Variants in HMCN1 observed in about 807,000 individuals in gnomAD.
HMCN1 encodes hemicentin-1.
In HMCN1, 321 loss-of-function variants were observed where a neutral mutation model predicts 625.9. The ratio of observed to expected loss-of-function variants is 0.51; its 90% CI spans 0.47 to 0.56. The LOEUF (loss-of-function observed/expected upper bound fraction) is 0.56, where lower values mean the gene tolerates loss of function less well. HMCN1 is among the 20% of genes least tolerant of loss of function. The pLI is 0.00. For synonymous variants in HMCN1, 2,425 were observed against 2,417.6 expected, an observed-to-expected ratio of 1.00 and a Z score of -0.09; for missense variants, 6,588 against 6,887.3, an observed-to-expected ratio of 0.96 and a Z score of 1.54.
intron 4 of HMCN1, among the ~76,000 whole-genome samples, chr1:185,874,801 A>T (rs1329484227): frequency 6.6e-6 from 1 of 152,016 alleles, no homozygotes; most frequent in Non-Finnish European, 1.5e-5. Context: ...GGGTTATTTC[A>T]TTAAATTCTT....
chr1:185,756,436 C>T (rs1655136981), intron 1 of HMCN1, among the ~76,000 whole-genome samples: 1 of 148,470 alleles, frequency 6.7e-6, no homozygotes. Flanking sequence ...GTTATGGGAT[C>T]TTGGGCAACT....
chr1:185,946,204 A>C (rs1668334721), intron 11 of HMCN1, among the ~76,000 whole-genome samples: 1 of 152,164 alleles, frequency 6.6e-6, no homozygotes, highest in Non-Finnish European at 1.5e-5. Flanking sequence ...GTAGCAGATA[A>C]ATTTATCTAT....
chr1:185,951,807 G>A (rs917605716), intron 11 of HMCN1, among the ~76,000 whole-genome samples: 7 of 151,814 alleles, frequency 4.6e-5, no homozygotes, highest in East Asian at 1.9e-4. Context: ...TGGCTGCTGC[G>A]GTTCAGGCAT....
At chr1:186,150,838 G>C (rs1053836378) in intron 93 of HMCN1, among the ~76,000 whole-genome samples, 2 of 151,714 alleles carry the variant, frequency 1.3e-5, no homozygotes, top group African/African-American at 4.8e-5. Context: ...ACACATACTA[G>C]ATGTTTACCA....
rs554554647 is a variant in HMCN1, at chr1:186,166,882, C to T, written c.15514C>T (p.Arg5172Cys). ...QDCDNTIGSY[R>C]CVVRCGSGFR... is the part of the protein sequence containing the mutation. ...CTGTGACAATACGATTGGATCTTAT[C>T]GCTGTGTGGTCCGTTGTGGAAGTGG... The change falls in exon 100 of 107, where the codon CGC becomes TGC. Residue 5172 changes from arginine to cysteine, a missense_variant. This residue lies in a region of HMCN1 where 1,954 missense variants were observed against 2,013.1 expected (regional missense o/e 0.97). Transcript: ENST00000271588. The T allele has an allele frequency of 6.1e-5, 98 of 1,614,142 alleles. No homozygotes were observed. The Admixed American group carries it at 6.3e-4, about 10-fold the overall frequency.
intron 1 of HMCN1, among the ~76,000 whole-genome samples, chr1:185,769,467 TTATAA>T (rs979348211): frequency 1.1e-4 from 17 of 151,928 alleles, no homozygotes; most frequent in African/African-American, 4.1e-4. Flanking sequence ...AGAAAAGATG[TTATAA>T]TATATGTTTG....
chr1:185,884,144 C>A (rs1478282959), intron 4 of HMCN1, among the ~76,000 whole-genome samples: 1 of 151,548 alleles, frequency 6.6e-6, no homozygotes, highest in Admixed American at 6.6e-5. Context: ...CTTTTGTGGC[C>A]TCCTCTAATT....
intron 30 of HMCN1, among the ~76,000 whole-genome samples, chr1:186,010,231 G>C (rs1653910591): frequency 6.6e-6 from 1 of 151,946 alleles, no homozygotes; most frequent in African/African-American, 2.4e-5. Context: ...GGGTACATGG[G>C]TGTATCTATA....
At chr1:185,860,621 C>G (rs755587860) in intron 2 of HMCN1, among the ~76,000 whole-genome samples, 7 of 152,088 alleles carry the variant, frequency 4.6e-5, no homozygotes, top group Non-Finnish European at 1.0e-4. Flanking sequence ...AAAATGTTCT[C>G]TTTTTACTTG....
chr1:186,189,770 A>G lies in HMCN1; in HGVS notation c.16800A>G (p.Ala5600=). 1 of 1,613,794 alleles carries G rather than the reference A, an allele frequency of 6.2e-7. No homozygotes were observed. The highest frequency in any genetic ancestry group is 8.5e-7 in the Non-Finnish European group (1 of 1,179,866). The change falls in exon 107 of 107, where the codon GCA becomes GCG. Residue 5600 remains alanine, a synonymous_variant. Transcript: ENST00000271588. ...VVYTTRPLRE[A]ETYRMRVRAS... The stretch of plus-strand genomic sequence containing the variant: ...ATACAACACGACCACTACGAGAAGC[A>G]GAGACCTACCGCATGAGGGTCCGAG...
At chr1:185,819,421 A>T (rs921185278) in intron 1 of HMCN1, among the ~76,000 whole-genome samples, 1 of 152,158 alleles carries the variant, frequency 6.6e-6, no homozygotes, top group Non-Finnish European at 1.5e-5. Flanking sequence ...CTTTTGAGAA[A>T]CATACTTTTT....
chr1:186,098,876 A>G (rs2067229143), intron 68 of HMCN1, among the ~76,000 whole-genome samples: 1 of 152,178 alleles, frequency 6.6e-6, no homozygotes, highest in Non-Finnish European at 1.5e-5. Context: ...ATTTATGACA[A>G]CATGGATGAA....
At chr1:186,103,219 T>C (rs1280251508) in intron 68 of HMCN1, among the ~76,000 whole-genome samples, 1 of 152,198 alleles carries the variant, frequency 6.6e-6, no homozygotes, top group African/African-American at 2.4e-5. Context: ...ATTAACTGAG[T>C]TTGAACTGTT....
At chr1:185,863,020 T>C (rs1662967761) in intron 2 of HMCN1, among the ~76,000 whole-genome samples, 1 of 152,216 alleles carries the variant, frequency 6.6e-6, no homozygotes, top group South Asian at 2.1e-4. Flanking sequence ...AATACTTGGT[T>C]CTTATGACCC....
intron 80 of HMCN1, among the ~76,000 whole-genome samples, chr1:186,120,762 A>T (rs1020215092): frequency 2.6e-5 from 4 of 152,210 alleles, no homozygotes; most frequent in Non-Finnish European, 5.9e-5. Flanking sequence ...GCATATTATA[A>T]ATCTAATTGG....
At chr1:186,133,013 T>C (rs935839504) in intron 86 of HMCN1, among the ~76,000 whole-genome samples, 1 of 152,200 alleles carries the variant, frequency 6.6e-6, no homozygotes, top group African/African-American at 2.4e-5. Flanking sequence ...GGTGTATATG[T>C]GCCACGTTTT....
chr1:185,827,697 A>T (rs1477070643), intron 1 of HMCN1, among the ~76,000 whole-genome samples: 1 of 152,164 alleles, frequency 6.6e-6, no homozygotes, highest in Non-Finnish European at 1.5e-5. Context: ...TCACAAAATA[A>T]ATATTTAAAG....
chr1:185,818,689 AT>A (rs1659990237), intron 1 of HMCN1, among the ~76,000 whole-genome samples: 1 of 152,116 alleles, frequency 6.6e-6, no homozygotes, highest in Non-Finnish European at 1.5e-5. Context: ...TATATTTTTC[AT>A]AAGAATTAAA....
At chr1:186,110,977 C>CTTTTTTTTTGTTTTTTTTTTTT (rs1660849020) in intron 71 of HMCN1, among the ~76,000 whole-genome samples, 1 of 61,648 alleles carries the variant, frequency 1.6e-5, no homozygotes, top group Non-Finnish European at 2.7e-5. Context: ...AGAGAAAATT[C>CTTTTTTTTTGTTTTTTTTTTTT]TTTTTTTTTT....
Sources: gnomAD v4.1 joint callset for allele counts (sites outside exome capture counted in the v4.1 genomes callset) on GRCh38, gnomAD v4.1.1 for gene constraint, gnomAD v4.1.1 regional missense constraint, MANE v1.5 for transcripts, NCBI Gene and HGNC (gene_info 2026-07-23, HGNC 2026-07-21) for gene names.